Variants in CSMD1 observed in about 807,000 individuals in gnomAD.
CSMD1 encodes the protein CUB and sushi domain-containing protein 1.
A neutral mutation model predicts 417.5 loss-of-function variants in CSMD1; 213 were observed. The ratio of observed to expected loss-of-function variants is 0.51; its 90% CI spans 0.46 to 0.57. CSMD1 has a LOEUF of 0.57. Ranked by LOEUF, CSMD1 falls within the 20% of genes least tolerant of loss-of-function variation. The pLI is 0.00. For synonymous variants in CSMD1, 2,862 were observed against 1,736.8 expected, an observed-to-expected ratio of 1.65 and a Z score of -16.11; for missense variants, 6,923 against 4,529.7, an observed-to-expected ratio of 1.53 and a Z score of -15.17.
intron 7 of CSMD1, among the ~76,000 whole-genome samples, chr8:3,693,324 T>C (rs1800356560): frequency 1.3e-5 from 2 of 151,582 alleles, no homozygotes; most frequent in Admixed American, 1.3e-4. Context: ...TATATGATAA[T>C]TTTTTTTTCA....
At chr8:4,976,971 T>C (rs959841745) in intron 1 of CSMD1, among the ~76,000 whole-genome samples, 18 of 152,314 alleles carry the variant, frequency 1.2e-4, no homozygotes, top group Admixed American at 7.2e-4. Flanking sequence ...GTTGTCTTTC[T>C]CTCCTAATAG....
At chr8:4,865,814 C>T (rs1442523143) in intron 1 of CSMD1, among the ~76,000 whole-genome samples, 2 of 151,788 alleles carry the variant, frequency 1.3e-5, no homozygotes, top group Non-Finnish European at 2.9e-5. Flanking sequence ...AAAGGTCCTC[C>T]TTTAAAAATT....
chr8:4,333,020 T>G (rs1427784803), intron 3 of CSMD1, among the ~76,000 whole-genome samples: 1 of 152,048 alleles, frequency 6.6e-6, no homozygotes, highest in Non-Finnish European at 1.5e-5. Flanking sequence ...AACAATGTAT[T>G]TCTCATCCCA....
intron 10 of CSMD1, among the ~76,000 whole-genome samples, chr8:3,522,396 C>A (rs182952617): frequency 6.1e-4 from 93 of 152,172 alleles, no homozygotes; most frequent in South Asian, 1.2e-3. Context: ...TATATTGTTT[C>A]CATTTCGTGT....
chr8:3,877,569 C>G (rs1323044271), intron 5 of CSMD1, among the ~76,000 whole-genome samples: 5 of 152,194 alleles, frequency 3.3e-5, no homozygotes, highest in Non-Finnish European at 7.3e-5. Context: ...AAAAAATGAG[C>G]TCTTCAGGGT....
chr8:3,509,598 T>C (rs1227489247), intron 10 of CSMD1, among the ~76,000 whole-genome samples: 1 of 152,186 alleles, frequency 6.6e-6, no homozygotes, highest in Admixed American at 6.5e-5. Context: ...AGAAGCTATA[T>C]CTAGTGGATA....
At chr8:4,823,768 G>T (rs534655071) in intron 1 of CSMD1, among the ~76,000 whole-genome samples, 11 of 151,826 alleles carry the variant, frequency 7.2e-5, no homozygotes, top group Admixed American at 3.9e-4. Flanking sequence ...TGGTGGTGGT[G>T]GCAGTGTGTG....
chr8:4,520,429 T>C (rs765633295), intron 2 of CSMD1, among the ~76,000 whole-genome samples: 1 of 152,124 alleles, frequency 6.6e-6, no homozygotes, highest in Non-Finnish European at 1.5e-5. Context: ...CTTTCATAGA[T>C]CTCCATTTGT....
intron 5 of CSMD1, among the ~76,000 whole-genome samples, chr8:3,980,085 T>C (rs1241426242): frequency 1.3e-5 from 2 of 151,876 alleles, no homozygotes; most frequent in Non-Finnish European, 2.9e-5. Flanking sequence ...CTATTCCTAA[T>C]TGATTACTTT....
At chr8:3,619,380 AT>A (rs5888976) in intron 7 of CSMD1, among the ~76,000 whole-genome samples, 14 of 150,746 alleles carry the variant, frequency 9.3e-5, no homozygotes, top group Admixed American at 5.3e-4. Flanking sequence ...TCAAATGCTT[AT>A]TTTTTTTTAA....
At chr8:3,804,116 G>C (rs1800602122) in intron 5 of CSMD1, among the ~76,000 whole-genome samples, 1 of 151,908 alleles carries the variant, frequency 6.6e-6, no homozygotes, top group Admixed American at 6.6e-5. Context: ...ATTTTTAGTA[G>C]AGACAGGGTT....
At chr8:3,927,705 T>C (rs1032986529) in intron 5 of CSMD1, among the ~76,000 whole-genome samples, 1 of 152,120 alleles carries the variant, frequency 6.6e-6, no homozygotes, top group African/African-American at 2.4e-5. Context: ...CAATTAATAT[T>C]TTCTTTACCT....
intron 5 of CSMD1, among the ~76,000 whole-genome samples, chr8:3,916,371 T>A (rs894983990): frequency 6.6e-6 from 1 of 152,146 alleles, no homozygotes. Context: ...CCTCTGTACA[T>A]AGGAGGTAAT....
intron 3 of CSMD1, among the ~76,000 whole-genome samples, chr8:4,233,624 G>C (rs1801873023): frequency 6.6e-6 from 1 of 152,026 alleles, no homozygotes; most frequent in African/African-American, 2.4e-5. Context: ...CCTTGATCTT[G>C]GACTGCCCAG....
At chr8:4,987,729 G>A (rs1811255063) in intron 1 of CSMD1, among the ~76,000 whole-genome samples, 1 of 152,120 alleles carries the variant, frequency 6.6e-6, no homozygotes, top group African/African-American at 2.4e-5. Context: ...GGACTGGGAG[G>A]GGCAGACCCT....
chr8:4,418,877 T>C (rs1217531), intron 3 of CSMD1, among the ~76,000 whole-genome samples: 140,070 of 152,202 alleles, frequency 0.92, 64,533 homozygotes, highest in East Asian at 1. Context: ...TGAAAGACAT[T>C]AGAGGCAGAA....
At chr8:4,226,119 T>G (rs1504758) in intron 3 of CSMD1, among the ~76,000 whole-genome samples, 1 of 149,028 alleles carries the variant, frequency 6.7e-6, no homozygotes, top group African/African-American at 2.5e-5. Flanking sequence ...CCAACACACA[T>G]ACACACTTGC....
chr8:4,312,409 G>A (rs577989483), intron 3 of CSMD1, among the ~76,000 whole-genome samples: 1,965 of 127,418 alleles, frequency 0.015, 353 homozygotes, highest in African/African-American at 0.08. Context: ...ATATATATGC[G>A]TGTATATATA....
At chr8:4,922,708 G>A (rs1196169174) in intron 1 of CSMD1, among the ~76,000 whole-genome samples, 1 of 152,152 alleles carries the variant, frequency 6.6e-6, no homozygotes, top group Non-Finnish European at 1.5e-5. Context: ...TGACAGACCA[G>A]CCCATTATAT....
Sources: gnomAD v4.1 joint callset for allele counts (sites outside exome capture counted in the v4.1 genomes callset) on GRCh38, gnomAD v4.1.1 for gene constraint, MANE v1.5 for transcripts, NCBI Gene and HGNC (gene_info 2026-07-23, HGNC 2026-07-21) for gene names.